Variants in ANXA6 observed in about 807,000 individuals in gnomAD.
ANXA6 encodes annexin A6.
Under a neutral mutation model 95.4 loss-of-function variants are expected in ANXA6, and 71 were observed. The ratio of observed to expected loss-of-function variants is 0.74; its 90% confidence interval spans 0.61 to 0.91. The LOEUF (loss-of-function observed/expected upper bound fraction) is 0.91, where lower values mean the gene tolerates loss of function less well. Ranked by LOEUF, ANXA6 falls within the 40% of genes least tolerant of loss-of-function variation. The pLI is 0.00. For synonymous variants in ANXA6, 289 were observed against 315.9 expected, an observed-to-expected ratio of 0.91 and a Z score of 0.90; for missense variants, 830 against 876.4, an observed-to-expected ratio of 0.95 and a Z score of 0.67.
At chr5:151,136,601 T>C (rs530218000) in intron 6 of ANXA6, among the ~76,000 whole-genome samples, 29 of 152,240 alleles carry the variant, frequency 1.9e-4, no homozygotes, top group African/African-American at 7.0e-4. Context: ...GATGGTTCTC[T>C]CCTCCTCTAT....
chr5:151,129,349 CCT>C, intron 12 of ANXA6, 56 bp downstream of exon 12: 2 of 1,602,936 alleles, frequency 1.2e-6, no homozygotes, highest in Non-Finnish European at 1.7e-6. Context: ...GTCCCCAAGC[CCT>C]CTGTCTTGGC....
At chr5:151,105,117 TA>T in intron 24 of ANXA6, 127 bp downstream of exon 24, 1 of 907,324 alleles carries the variant, frequency 1.1e-6, no homozygotes, top group Admixed American at 2.0e-5. Context: ...GGGCAGATGC[TA>T]ATAAATGTCA....
At chr5:151,103,447 A>G (rs1417265196) in intron 25 of ANXA6, 123 bp downstream of exon 25, 3 of 871,358 alleles carry the variant, frequency 3.4e-6, no homozygotes, top group East Asian at 5.9e-5. Context: ...TTTCATTTCA[A>G]TATCCTGGCT....
intron 5 of ANXA6, among the ~76,000 whole-genome samples, chr5:151,137,659 G>T (rs1203292317): frequency 6.6e-6 from 1 of 152,104 alleles, no homozygotes; most frequent in Admixed American, 6.6e-5. Flanking sequence ...TGTGAGATCT[G>T]GTTGTTTAAA....
chr5:151,118,922 C>T (rs964651677), intron 18 of ANXA6, among the ~76,000 whole-genome samples: 1 of 152,136 alleles, frequency 6.6e-6, no homozygotes, highest in African/African-American at 2.4e-5. Flanking sequence ...AATATGGGGC[C>T]ACTCGCTTAA....
At position 151,122,988 on chromosome 5, in the gene ANXA6, C is replaced by G. The variant is rs201960506; in HGVS notation, c.1162G>C (p.Asp388His). ...GLGTDEDTII[D>H]IITHRSNVQR... ...ACATTGCTGCGGTGCGTGATGATATCGATGATTGTGTCTTCGTCAGTCCCT... is the reference window on the plus strand; with the variant it reads ...ACATTGCTGCGGTGCGTGATGATATGGATGATTGTGTCTTCGTCAGTCCCT... Residue 388 changes from aspartate to histidine, a missense_variant, in exon 16 of 26, where the codon GAT (aspartate) becomes CAT (histidine). By Grantham distance (81) the Asp-to-His change is moderately conservative. Coordinates refer to ENST00000354546, the MANE Select transcript of ANXA6 (RefSeq NM_001155.5). 1.9e-6 allele frequency: 3 copies of G among 1,613,792 alleles called. No homozygotes were observed. The highest frequency in any genetic ancestry group is 1.7e-5 in the Admixed American group (1 of 60,030).
intron 1 of ANXA6, among the ~76,000 whole-genome samples, chr5:151,156,057 C>CT (rs1183812007): frequency 6.6e-6 from 1 of 152,268 alleles, no homozygotes; most frequent in Non-Finnish European, 1.5e-5. Context: ...CCAGCAACAG[C>CT]TGTGGCCCTT....
At chr5:151,114,483 G>A (rs1764937966) in intron 20 of ANXA6, among the ~76,000 whole-genome samples, 1 of 151,662 alleles carries the variant, frequency 6.6e-6, no homozygotes, top group South Asian at 2.1e-4. Context: ...GCATGGTGTT[G>A]GGAGCTTGTA....
chr5:151,149,691 G>A (rs1766061943), intron 1 of ANXA6, among the ~76,000 whole-genome samples: 2 of 152,162 alleles, frequency 1.3e-5, no homozygotes, highest in Non-Finnish European at 2.9e-5. Flanking sequence ...TCACCATGTT[G>A]GCCAGGCTGG....
At chr5:151,149,020 A>AT (rs1276641655) in intron 1 of ANXA6, among the ~76,000 whole-genome samples, 13 of 150,840 alleles carry the variant, frequency 8.6e-5, no homozygotes, top group Non-Finnish European at 1.8e-4. Flanking sequence ...ATTAAAAAAA[A>AT]ATAAAAAAAA....
At chr5:151,143,903 G>A (rs1765901886) in intron 2 of ANXA6, among the ~76,000 whole-genome samples, 1 of 152,120 alleles carries the variant, frequency 6.6e-6, no homozygotes, top group African/African-American at 2.4e-5. Context: ...GTAGGGAGGG[G>A]AAGGCGAAGA....
chr5:151,150,153 TCAGATTTACC>T (rs1310345450), intron 1 of ANXA6, among the ~76,000 whole-genome samples: 1 of 150,096 alleles, frequency 6.7e-6, no homozygotes. Flanking sequence ...ACAAAGTCAA[TCAGATTTACC>T]CAGTAAGACC....
At chr5:151,112,692 C>T (rs1331626655) in intron 20 of ANXA6, among the ~76,000 whole-genome samples, 5 of 152,104 alleles carry the variant, frequency 3.3e-5, no homozygotes, top group African/African-American at 4.8e-5. Flanking sequence ...AGCATGGTGG[C>T]GCACGCCGTT....
chr5:151,130,110 CA>C (rs1482927640), intron 11 of ANXA6, among the ~76,000 whole-genome samples: 1 of 152,182 alleles, frequency 6.6e-6, no homozygotes, highest in African/African-American at 2.4e-5. Flanking sequence ...TAGATTTACA[CA>C]TTTTGGAACT....
chr5:151,155,287 G>A (rs1229404895), intron 1 of ANXA6: 1 of 152,134 alleles, frequency 6.6e-6, no homozygotes, highest in Non-Finnish European at 1.5e-5. Flanking sequence ...GGATTTTTCA[G>A]AAGAGGAACT....
At chr5:151,143,054 C>T (rs1444166112) in intron 2 of ANXA6, among the ~76,000 whole-genome samples, 1 of 152,172 alleles carries the variant, frequency 6.6e-6, no homozygotes, top group Admixed American at 6.5e-5. Flanking sequence ...AGGGAAAGGA[C>T]TTTGAGAACC....
chr5:151,125,589 G>T (rs962297884), intron 14 of ANXA6, among the ~76,000 whole-genome samples: 4 of 152,000 alleles, frequency 2.6e-5, no homozygotes, highest in African/African-American at 7.3e-5. Flanking sequence ...CAGAGACGGC[G>T]GCACCAAACC....
At chr5:151,122,771 A>G in intron 16 of ANXA6, 146 bp downstream of exon 16, 2 of 676,988 alleles carry the variant, frequency 3.0e-6, no homozygotes, top group Non-Finnish European at 2.6e-6. Context: ...CCAGTGCTGG[A>G]GACACTCTGA....
At chr5:151,137,399 C>T (rs1765697828) in intron 5 of ANXA6, 78 bp from the exon 6 acceptor site, 1 of 1,217,842 alleles carries the variant, frequency 8.2e-7, no homozygotes, top group Admixed American at 2.0e-5. Context: ...CAGGGAGTGG[C>T]CAGAGCTATG....
Sources: gnomAD v4.1 joint callset for allele counts (sites outside exome capture counted in the v4.1 genomes callset) on GRCh38, gnomAD v4.1.1 for gene constraint, MANE v1.5 for transcripts, NCBI Gene and HGNC (gene_info 2026-07-23, HGNC 2026-07-21) for gene names.